The following LSM12 variants were observed in gnomAD, a reference collection of about 807,000 sequenced individuals.
LSM12 encodes the protein protein LSM12.
For missense variants in LSM12, 108 were observed against 238.9 expected (o/e 0.45, Z 3.61); for synonymous variants, 74 against 87.3 (o/e 0.85, Z 0.85).
chr17:44,057,881 C>T (rs549054059), intron 2 of LSM12, among the ~76,000 whole-genome samples: 11 of 152,036 alleles, frequency 7.2e-5, no homozygotes, highest in Middle Eastern at 3.4e-3. Context: ...CCCTTTGTCA[C>T]AATGCCCTCC....
intron 3 of LSM12, among the ~76,000 whole-genome samples, chr17:44,038,934 G>C (rs1338059556): frequency 2.0e-5 from 3 of 152,176 alleles, no homozygotes; most frequent in Non-Finnish European, 4.4e-5. Context: ...GATCCAGGGT[G>C]GTTAAACAGA....
At chr17:44,039,351 G>C (rs960783302) in intron 3 of LSM12, among the ~76,000 whole-genome samples, 9 of 141,768 alleles carry the variant, frequency 6.3e-5, no homozygotes, top group African/African-American at 2.4e-4. Flanking sequence ...CACCGTGCCC[G>C]ACCAACAAAA....
intron 2 of LSM12, among the ~76,000 whole-genome samples, chr17:44,049,865 C>G (rs555959362): frequency 5.9e-5 from 9 of 152,258 alleles, no homozygotes; most frequent in African/African-American, 2.2e-4. Context: ...CCTACTGACT[C>G]CAATGAGCCA....
At chr17:44,057,826 G>T (rs2144105798) in intron 2 of LSM12, among the ~76,000 whole-genome samples, 1 of 151,944 alleles carries the variant, frequency 6.6e-6, no homozygotes, top group African/African-American at 2.4e-5. Context: ...ACCTACCAAA[G>T]ACGTTAAGTG....
At chr17:44,039,661 G>C (rs1483339781) in intron 3 of LSM12, among the ~76,000 whole-genome samples, 1 of 152,198 alleles carries the variant, frequency 6.6e-6, no homozygotes, top group East Asian at 1.9e-4. Flanking sequence ...GATTACAGGC[G>C]TGAGCCACCG....
Position 44,066,621 on chromosome 17 carries a change from G to A in LSM12, c.-34C>T, listed in dbSNP as rs1290206583. 10 of 1,310,520 alleles carry A rather than the reference G, an allele frequency of 7.6e-6. No homozygotes were observed. The highest frequency in any genetic ancestry group is 4.6e-5 in the South Asian group (2 of 43,162). The allele number at this position is 1,310,520 out of a possible 1,614,324, so 81.2% of individuals were successfully genotyped here. On this transcript the variant is annotated 5_prime_UTR_variant, in exon 1 of 5. Coordinates refer to ENST00000293406, the MANE Select transcript of LSM12 (RefSeq NM_001371445.1). ...TGCAGCCGCGGCCGGCGGCGGCGGC[G>A]GCAGCAGCGGGCGAAAGCCGGGCCC...
At chr17:44,064,462 A>G (rs992350332) in intron 1 of LSM12, among the ~76,000 whole-genome samples, 4 of 152,154 alleles carry the variant, frequency 2.6e-5, no homozygotes, top group Admixed American at 1.3e-4. Flanking sequence ...GGCTCACGTG[A>G]TGGCTCACGC....
chr17:44,044,260 A>C (rs147896872), intron 2 of LSM12, among the ~76,000 whole-genome samples: 21 of 152,358 alleles, frequency 1.4e-4, no homozygotes, highest in African/African-American at 5.1e-4. Context: ...AATGGATATA[A>C]ATCTCAGCCA....
At chr17:44,064,181 T>C (rs1186460585) in intron 1 of LSM12, among the ~76,000 whole-genome samples, 4 of 152,192 alleles carry the variant, frequency 2.6e-5, no homozygotes, top group African/African-American at 4.8e-5. Context: ...AGAGGCATAA[T>C]GCAGATTTAA....
intron 2 of LSM12, among the ~76,000 whole-genome samples, chr17:44,054,379 A>G (rs2049683602): frequency 6.6e-6 from 1 of 151,986 alleles, no homozygotes; most frequent in South Asian, 2.1e-4. Flanking sequence ...TGGCATGACT[A>G]CAGCTCACTG....
chr17:44,041,808 C>T lies in LSM12; in HGVS notation c.259-1552G>A, dbSNP rs111901754. On this transcript the variant is annotated intron_variant, in intron 2 of 4. Transcript: ENST00000293406. ...AAATTTGTTTGAGTGTAAGACAAAA[C>T]AAATGTGCTAGACAAGGTAGTTAAA... is the stretch of plus-strand genomic sequence containing the variant. Among the ~76,000 whole-genome samples, 21 of 152,288 alleles carry T rather than the reference C, an allele frequency of 1.4e-4. 1 individual carries two copies. Among genetic ancestry groups the T allele is most frequent in the African/African-American group, 4.8e-4 (20 of 41,556 alleles).
In LSM12 at chr17:44,043,546, TCC is replaced by T. The variant is rs1328530831; in HGVS notation, c.259-3292_259-3291del. On this transcript the variant is annotated intron_variant, in intron 2 of 4. Transcript: ENST00000293406. ...AAAACCCCGGTAACAAGGAGGAGTT[TCC>T]TTTTTTTTTTTTTTTTTGAGATGGA... Among the ~76,000 whole-genome samples, 8 of 139,430 alleles carry T rather than the reference TCC, an allele frequency of 5.7e-5. No individual in the cohort carries two copies. The East Asian group carries it at 2.1e-3, about 36-fold the overall frequency. The allele number at this position is 139,430 out of a possible 152,430, so 91.5% of individuals were successfully genotyped here.
chr17:44,049,806 G>A (rs908408180), intron 2 of LSM12, among the ~76,000 whole-genome samples: 12 of 152,188 alleles, frequency 7.9e-5, no homozygotes, highest in African/African-American at 2.9e-4. Flanking sequence ...TGAGACAGCT[G>A]ATACAACAAG....
At chr17:44,058,765 G>C (rs1277702360) in intron 2 of LSM12, among the ~76,000 whole-genome samples, 1 of 152,176 alleles carries the variant, frequency 6.6e-6, no homozygotes, top group Non-Finnish European at 1.5e-5. Flanking sequence ...CTAGGAGGCA[G>C]AGGTTGCAGT....
chr17:44,051,478 G>T (rs1322618335), intron 2 of LSM12, among the ~76,000 whole-genome samples: 2 of 151,730 alleles, frequency 1.3e-5, no homozygotes, highest in East Asian at 1.9e-4. Context: ...GCTTGTGCCT[G>T]GGGGGAGGAG....
At chr17:44,063,520 C>T (rs188971865) in intron 2 of LSM12, among the ~76,000 whole-genome samples, 1 of 152,216 alleles carries the variant, frequency 6.6e-6, no homozygotes, top group African/African-American at 2.4e-5. Flanking sequence ...CCCAGCAGCA[C>T]TATTAGTTCA....
At chr17:44,064,389 A>C (rs891232196) in intron 1 of LSM12, among the ~76,000 whole-genome samples, 1 of 152,194 alleles carries the variant, frequency 6.6e-6, no homozygotes, top group Admixed American at 6.5e-5. Context: ...TTCATTCACA[A>C]ACTCATTCTC....
At chr17:44,054,253 C>G (rs1009582964) in intron 2 of LSM12, among the ~76,000 whole-genome samples, 17 of 152,306 alleles carry the variant, frequency 1.1e-4, no homozygotes, top group African/African-American at 3.8e-4. Flanking sequence ...CATCATGATT[C>G]TGTCAGGTTG....
chr17:44,039,467 C>T lies in LSM12; in HGVS notation c.368+680G>A, dbSNP rs376108795. Among the ~76,000 whole-genome samples, 4 of 148,946 alleles carry T rather than the reference C, an allele frequency of 2.7e-5. No homozygotes were observed. In the East Asian group the frequency reaches 5.9e-4, roughly 22 times the overall value. On this transcript the variant is annotated intron_variant, in intron 3 of 4. Transcript: ENST00000293406. ...CGCAATCTCGGCTCACTGCAAGCTC[C>T]GCCTCCCGGGTTCACGCCATTCTCC...
Sources: allele counts gnomAD v4.1 joint callset (sites outside exome capture counted in the v4.1 genomes callset), GRCh38; gene constraint gnomAD v4.1.1; transcripts MANE v1.5; gene names NCBI Gene and HGNC (gene_info 2026-07-23, HGNC 2026-07-21).